Variants in ABCA13 observed in about 807,000 individuals in gnomAD.
ABCA13 encodes ATP-binding cassette sub-family A member 13.
ABCA13 carries 476 observed loss-of-function variants against 478.7 expected under a neutral mutation model. That is an observed-to-expected ratio of 0.99 (90% CI 0.92 to 1.07). The LOEUF is 1.07. Among genes scored for constraint, ABCA13 ranks in the 50% least tolerant of loss-of-function variants. The pLI is 0.00. For missense variants in ABCA13, 6,060 were observed against 5,910.6 expected (o/e 1.03, Z -0.83); for synonymous variants, 2,252 against 2,158.9 (o/e 1.04, Z -1.20).
In ABCA13 at chr7:48,219,417, G is replaced by C. The variant is rs756298032; in HGVS notation, c.351G>C (p.Glu117Asp). The C allele has an allele frequency of 6.2e-7, 1 of 1,613,152 alleles. No individual in the cohort carries two copies. Among genetic ancestry groups the C allele is most frequent in the Non-Finnish European group, 8.5e-7 (1 of 1,179,570 alleles). Residue 117 changes from glutamate (E) to aspartate (D), a missense_variant, in exon 4 of 62, where the codon GAG (glutamate) becomes GAC (aspartate). This residue lies in a region of ABCA13 where 4,423 missense variants were observed against 4,309.1 expected (regional missense o/e 1.03). Coordinates refer to ENST00000435803, the MANE Select transcript of ABCA13 (RefSeq NM_152701.5). ...KKVNNLAFLK[E>D]IQDLAEEIHG... ...TCAACAACCTGGCCTTTTTAAAAGAGATACAAGACCTGGCAGAGGAAATTC... is the reference window on the plus strand; with the variant it reads ...TCAACAACCTGGCCTTTTTAAAAGACATACAAGACCTGGCAGAGGAAATTC...
At chr7:48,353,639 G>A (rs1584976521) in intron 31 of ABCA13, among the ~76,000 whole-genome samples, 1 of 151,648 alleles carries the variant, frequency 6.6e-6, no homozygotes, top group South Asian at 2.1e-4. Context: ...GTGACTTGAT[G>A]TCTTGACCCC....
Position 48,353,647 on chromosome 7 carries a change from C to CCCT in ABCA13, c.10688+1164_10688+1166dup, listed in dbSNP as rs531986206. The stretch of plus-strand genomic sequence containing the variant: ...AGGATAGGTGACTTGATGTCTTGAC[C>CCCT]CCTCCTTCCTGTCTAGTGATAGGCT... On this transcript the variant is annotated intron_variant, in intron 31 of 61. Transcript: ENST00000435803. Among the ~76,000 whole-genome samples the CCCT allele has an allele frequency of 1.1e-4, 17 of 151,734 alleles. 1 individual carries two copies. In the South Asian group the frequency reaches 3.5e-3, roughly 32 times the overall value.
At chr7:48,247,869 T>G (rs1358079573) in intron 13 of ABCA13, among the ~76,000 whole-genome samples, 1 of 152,080 alleles carries the variant, frequency 6.6e-6, no homozygotes, top group Non-Finnish European at 1.5e-5. Flanking sequence ...TTCAGCTGCA[T>G]TCTATGGGTT....
At chr7:48,269,254 A>G (rs1795280742) in intron 16 of ABCA13, among the ~76,000 whole-genome samples, 160 bp downstream of exon 16, 1 of 152,188 alleles carries the variant, frequency 6.6e-6, no homozygotes, top group African/African-American at 2.4e-5. Flanking sequence ...CCTTTAATAG[A>G]GTGTGTGACT....
intron 58 of ABCA13, among the ~76,000 whole-genome samples, chr7:48,611,226 A>G (rs983239912): frequency 1.3e-5 from 2 of 152,002 alleles, no homozygotes; most frequent in African/African-American, 4.8e-5. Context: ...AGATCTCCTC[A>G]CCCTTGACTT....
chr7:48,387,928 G>A lies in ABCA13; in HGVS notation c.11442G>A (p.Leu3814=), dbSNP rs1470489522. The A allele has an allele frequency of 3.1e-6, 5 of 1,611,386 alleles. No homozygotes were observed. Among genetic ancestry groups the A allele is most frequent in the African/African-American group, 1.3e-5 (1 of 74,720 alleles). Residue 3814 remains leucine (L), a synonymous_variant, in exon 36 of 62, where the codon CTG becomes CTA. Transcript: ENST00000435803. ...EKRQYFLSSS[L]FFFNENFDNK... ...GGCAATACTTTCTAAGTTCTAGTCT[G>A]TTCTTCTTCAATGAGAACTTTGACA...
intron 13 of ABCA13, 36 bp downstream of exon 13, chr7:48,246,066 C>A: frequency 6.3e-7 from 1 of 1,576,428 alleles, no homozygotes; most frequent in Non-Finnish European, 8.6e-7. Flanking sequence ...TCTAAGGGCA[C>A]AAATTTAAGA....
At chr7:48,501,914 G>C (rs967240481) in intron 48 of ABCA13, among the ~76,000 whole-genome samples, 1 of 152,196 alleles carries the variant, frequency 6.6e-6, no homozygotes, top group Admixed American at 6.5e-5. Flanking sequence ...TGTGGGTTCT[G>C]CCTGTGTCAG....
chr7:48,618,932 C>T (rs1037162411), intron 59 of ABCA13, among the ~76,000 whole-genome samples: 5 of 152,330 alleles, frequency 3.3e-5, no homozygotes, highest in East Asian at 3.9e-4. Context: ...AGCAAGTCCC[C>T]ACTTTTTCAA....
chr7:48,301,935 C>T (rs758216366), intron 23 of ABCA13, among the ~76,000 whole-genome samples: 4 of 152,150 alleles, frequency 2.6e-5, no homozygotes, highest in Non-Finnish European at 2.9e-5. Flanking sequence ...AGTCAGCTAG[C>T]GTTTCTTAGG....
At chr7:48,535,996 A>G (rs1037743618) in intron 55 of ABCA13, among the ~76,000 whole-genome samples, 5 of 152,228 alleles carry the variant, frequency 3.3e-5, no homozygotes, top group Admixed American at 6.5e-5. Context: ...TTGAGCCAGC[A>G]GCAGTGATCC....
intron 55 of ABCA13, among the ~76,000 whole-genome samples, chr7:48,564,076 CT>C (rs146076179): frequency 8.6e-5 from 13 of 151,912 alleles, no homozygotes; most frequent in Non-Finnish European, 1.8e-4. Flanking sequence ...TTCCCTCTAG[CT>C]TTTTTCTTTT....
intron 35 of ABCA13, among the ~76,000 whole-genome samples, chr7:48,380,761 C>G (rs1814222563): frequency 6.6e-6 from 1 of 152,082 alleles, no homozygotes; most frequent in Non-Finnish European, 1.5e-5. Flanking sequence ...GTTACTGACC[C>G]TAGAGGGACT....
chr7:48,530,360 A>G (rs1264967228), intron 55 of ABCA13, among the ~76,000 whole-genome samples: 2 of 151,796 alleles, frequency 1.3e-5, no homozygotes, highest in Non-Finnish European at 2.9e-5. Context: ...ATATACACAT[A>G]TATACATATA....
chr7:48,352,568 C>A, intron 31 of ABCA13, 81 bp downstream of exon 31: 1 of 1,411,398 alleles, frequency 7.1e-7, no homozygotes, highest in Non-Finnish European at 9.3e-7. Context: ...CTCAGTTTTT[C>A]TATGGTTATT....
chr7:48,338,931 A>G (rs1307781077), intron 29 of ABCA13, among the ~76,000 whole-genome samples: 1 of 152,226 alleles, frequency 6.6e-6, no homozygotes, highest in African/African-American at 2.4e-5. Flanking sequence ...ACACACGAGG[A>G]GAGCCAGTTC....
chr7:48,408,856 A>G (rs1339898458), intron 39 of ABCA13, among the ~76,000 whole-genome samples: 1 of 152,038 alleles, frequency 6.6e-6, no homozygotes, highest in Non-Finnish European at 1.5e-5. Context: ...TCCCTCCACC[A>G]TCTGGTAGAC....
intron 20 of ABCA13, among the ~76,000 whole-genome samples, chr7:48,294,445 TTG>T (rs1424444959): frequency 4.8e-5 from 7 of 145,898 alleles, no homozygotes; most frequent in African/African-American, 1.5e-4. Context: ...TTTTTTTGTT[TTG>T]TTTTTTTTTT....
At chr7:48,373,426 C>T (rs1423260636) in intron 33 of ABCA13, among the ~76,000 whole-genome samples, 1 of 152,224 alleles carries the variant, frequency 6.6e-6, no homozygotes, top group Non-Finnish European at 1.5e-5. Flanking sequence ...TCTTCAACTT[C>T]AGTAAACGAT....
Sources: gnomAD v4.1 joint callset for allele counts (sites outside exome capture counted in the v4.1 genomes callset) on GRCh38, gnomAD v4.1.1 for gene constraint, gnomAD v4.1.1 regional missense constraint, MANE v1.5 for transcripts, NCBI Gene and HGNC (gene_info 2026-07-23, HGNC 2026-07-21) for gene names.